TENM3: variants seen among roughly 807,000 people sequenced by gnomAD.
TENM3 encodes teneurin transmembrane protein 3.
TENM3 carries 63 observed loss-of-function variants against 255.1 expected under a neutral mutation model. That is an observed-to-expected ratio of 0.25 (90% confidence interval 0.20 to 0.30). The LOEUF (loss-of-function observed/expected upper bound fraction) is 0.30. TENM3 is among the 10% of genes least tolerant of loss of function. The pLI, the probability that TENM3 is intolerant of heterozygous loss-of-function variation, is 1.00. For missense variants in TENM3, 2,929 were observed against 3,461.1 expected (o/e 0.85, Z 3.86); for synonymous variants, 1,306 against 1,322.3 (o/e 0.99, Z 0.27).
chr4:182,756,049 G>A (rs1762727880), intron 22 of TENM3, among the ~76,000 whole-genome samples: 1 of 152,188 alleles, frequency 6.6e-6, no homozygotes, highest in Admixed American at 6.5e-5. Context: ...GAAGCATCCC[G>A]CAGCTGTGGT....
intron 3 of TENM3, among the ~76,000 whole-genome samples, chr4:182,385,072 TC>T (rs1307398320): frequency 6.6e-6 from 1 of 151,964 alleles, no homozygotes; most frequent in African/African-American, 2.4e-5. Context: ...GATGACGGTG[TC>T]CCCCAGCATT....
At chr4:181,641,236 G>T in the TENM3 span, among the ~76,000 whole-genome samples, 1 of 151,790 alleles carries the variant, frequency 6.6e-6, no homozygotes. Context: ...TGCAGAACGT[G>T]CAGGTTTGTT....
the TENM3 span, among the ~76,000 whole-genome samples, chr4:182,091,681 T>C: frequency 0.044 from 6,737 of 152,270 alleles, 409 homozygotes; most frequent in East Asian, 0.31. Flanking sequence ...TTAGCTCTCT[T>C]CTAATAATGG....
rs187395672 is a variant in TENM3, at chr4:182,694,472, T to G, written c.2221+6121T>G. On this transcript the variant is annotated intron_variant, in intron 12 of 27. Transcript: ENST00000511685. ...AAAGGTGGAGGATATTGATGTATTT[T>G]TCTTCTAGTAATGTCTCAAACACAG... 2.1e-3 allele frequency among the ~76,000 whole-genome samples: 323 copies of G among 152,300 alleles called. 1 individual carries two copies. Among genetic ancestry groups the G allele is most frequent in the Middle Eastern group, 0.014 (4 of 294 alleles).
the TENM3 span, among the ~76,000 whole-genome samples, chr4:181,759,406 A>G: frequency 6.6e-6 from 1 of 152,128 alleles, no homozygotes; most frequent in Non-Finnish European, 1.5e-5. Context: ...GTATAAGGAT[A>G]AACAAGAAGT....
At chr4:181,510,913 C>A in the TENM3 span, among the ~76,000 whole-genome samples, 1 of 152,154 alleles carries the variant, frequency 6.6e-6, no homozygotes, top group Non-Finnish European at 1.5e-5. Flanking sequence ...GAAGCTATAT[C>A]CAGAACTGAA....
At chr4:182,145,102 A>T (rs1360316102) in intron 1 of TENM3, 1 of 152,210 alleles carries the variant, frequency 6.6e-6, no homozygotes, top group Non-Finnish European at 1.5e-5. Context: ...GGAGCCCGCC[A>T]GGTCCTCTTC....
chr4:182,136,869 TAAATATTTTTC>T, the TENM3 span, among the ~76,000 whole-genome samples: 1 of 152,206 alleles, frequency 6.6e-6, no homozygotes, highest in African/African-American at 2.4e-5. Flanking sequence ...TAAGATTTCT[TAAATATTTTTC>T]AAAGTGTCAA....
chr4:182,057,682 T>C, the TENM3 span, among the ~76,000 whole-genome samples: 4 of 152,092 alleles, frequency 2.6e-5, no homozygotes, highest in Non-Finnish European at 5.9e-5. Flanking sequence ...ATTACAGGTG[T>C]GAGCTATAGC....
chr4:181,671,500 C>T, the TENM3 span, among the ~76,000 whole-genome samples: 1 of 152,082 alleles, frequency 6.6e-6, no homozygotes, highest in African/African-American at 2.4e-5. Context: ...CAAGTTTGTT[C>T]ACCTGTCTGA....
At chr4:182,115,255 G>GA in the TENM3 span, among the ~76,000 whole-genome samples, 1 of 152,094 alleles carries the variant, frequency 6.6e-6, no homozygotes, top group Non-Finnish European at 1.5e-5. Context: ...TCTATATTTG[G>GA]AAAATTCAAG....
intron 12 of TENM3, among the ~76,000 whole-genome samples, chr4:182,706,579 A>G (rs1758296480): frequency 6.6e-6 from 1 of 152,194 alleles, no homozygotes; most frequent in African/African-American, 2.4e-5. Context: ...CAAAAGCTGC[A>G]GACACATAGA....
rs1176841420 is a variant in TENM3, at chr4:182,616,524, A to AT, written c.750-12127_750-12126insT. Reference sequence around the variant, plus strand: ...GTACCCTAAAACTTAAAGTATAATAAAAAAAAAAAAAAAAAGGTCAGGAGA... The same window carrying AT: ...GTACCCTAAAACTTAAAGTATAATAATAAAAAAAAAAAAAAAGGTCAGGAGA... On this transcript the variant is annotated intron_variant, in intron 4 of 27. Coordinates refer to ENST00000511685, the MANE Select transcript of TENM3 (RefSeq NM_001080477.4). Among the ~76,000 whole-genome samples, 399 of 146,684 alleles carry AT rather than the reference A, an allele frequency of 2.7e-3. 4 individuals are homozygous for AT. Among genetic ancestry groups the AT allele is most frequent in the South Asian group, 0.02 (94 of 4,612 alleles).
chr4:182,427,039 G>A (rs753314394), intron 3 of TENM3, among the ~76,000 whole-genome samples: 4 of 151,980 alleles, frequency 2.6e-5, no homozygotes, highest in African/African-American at 7.2e-5. Context: ...TTTGGATTTG[G>A]TATTCAGATT....
chr4:181,977,224 G>A, the TENM3 span, among the ~76,000 whole-genome samples: 1 of 152,168 alleles, frequency 6.6e-6, no homozygotes, highest in South Asian at 2.1e-4. Flanking sequence ...TCGTTAAAAG[G>A]ATTAGATGAA....
chr4:182,479,007 G>A (rs2151499825), intron 3 of TENM3, among the ~76,000 whole-genome samples: 1 of 151,994 alleles, frequency 6.6e-6, no homozygotes, highest in Non-Finnish European at 1.5e-5. Flanking sequence ...TATTTTACTT[G>A]AAGGAATGTT....
chr4:181,883,272 G>T, the TENM3 span, among the ~76,000 whole-genome samples: 2 of 152,220 alleles, frequency 1.3e-5, no homozygotes, highest in Admixed American at 6.5e-5. Context: ...CTAAGAACCT[G>T]TGTGGGTGCA....
chr4:182,753,344 C>A, intron 20 of TENM3, 106 bp from the exon 21 acceptor site: 1 of 893,970 alleles, frequency 1.1e-6, no homozygotes, highest in East Asian at 2.4e-5. Flanking sequence ...ACCTGTCACC[C>A]GTGTTGTCAC....
At chr4:181,934,120 G>T in the TENM3 span, among the ~76,000 whole-genome samples, 1 of 151,684 alleles carries the variant, frequency 6.6e-6, no homozygotes, top group Non-Finnish European at 1.5e-5. Context: ...GGAATATGAT[G>T]TTGGACAATG....
Sources: gnomAD v4.1 joint callset for allele counts (sites outside exome capture counted in the v4.1 genomes callset) on GRCh38, gnomAD v4.1.1 for gene constraint, MANE v1.5 for transcripts, NCBI Gene and HGNC (gene_info 2026-07-23, HGNC 2026-07-21) for gene names.